Variants in RAB37 observed in about 807,000 individuals in gnomAD.
RAB37 encodes the protein RAB37, member RAS oncogene family.
In RAB37, 29 loss-of-function variants were observed where a neutral mutation model predicts 33.1. The observed-to-expected ratio is 0.88, with a 90% CI of 0.65 to 1.20. The LOEUF (loss-of-function observed/expected upper bound fraction) is 1.20, where lower values mean the gene tolerates loss of function less well. Among genes scored for constraint, RAB37 ranks in the 50% most tolerant of loss-of-function variants. RAB37 has a pLI of 0.00. For synonymous variants in RAB37, 128 were observed against 119.5 expected, an observed-to-expected ratio of 1.07 and a Z score of -0.47; for missense variants, 299 against 301.1, an observed-to-expected ratio of 0.99 and a Z score of 0.05.
At chr17:74,694,971 G>T in intron 1 of RAB37, 1 of 1,103,102 alleles carries the variant, frequency 9.1e-7, no homozygotes, top group Non-Finnish European at 1.3e-6. Context: ...TAGGGGCAAT[G>T]CTGGCTGATC....
intron 1 of RAB37, among the ~76,000 whole-genome samples, chr17:74,689,308 TGGC>T (rs2032116033): frequency 6.6e-6 from 1 of 151,994 alleles, no homozygotes; most frequent in Non-Finnish European, 1.5e-5. Flanking sequence ...CCAGGCATGG[TGGC>T]ACATGCCTGT....
chr17:74,742,231 T>C lies in RAB37; in HGVS notation c.205-23T>C, dbSNP rs369356578. The stretch of plus-strand genomic sequence containing the variant: ...GAGCCACATGACTCCTGCCCTCCCA[T>C]CCTCTGCCTTTTTCTCTTTCAGAAC... On this transcript the variant is annotated intron_variant, in intron 2 of 8. Transcript: ENST00000392613. This position sits in a 1 kb window ranked among gnomAD's most constrained non-coding sequence, Gnocchi z 4.0. 231 of 1,611,978 alleles carry C rather than the reference T, an allele frequency of 1.4e-4. No individual in the cohort carries two copies. The highest frequency in any genetic ancestry group is 1.9e-4 in the Non-Finnish European group (223 of 1,178,836).
At chr17:74,704,180 T>C (rs2033312597) in intron 1 of RAB37, among the ~76,000 whole-genome samples, 1 of 152,132 alleles carries the variant, frequency 6.6e-6, no homozygotes. Flanking sequence ...TGGGAAGGCA[T>C]CCCTTTGGCC....
At chr17:74,709,233 GA>G (rs1203554667) in intron 1 of RAB37, among the ~76,000 whole-genome samples, 2 of 151,712 alleles carry the variant, frequency 1.3e-5, no homozygotes, top group Non-Finnish European at 2.9e-5. Context: ...AAAAAAAAAG[GA>G]AAAAAGAAAA....
chr17:74,673,275 C>T (rs997475961), intron 1 of RAB37, among the ~76,000 whole-genome samples: 12 of 151,420 alleles, frequency 7.9e-5, no homozygotes, highest in Admixed American at 3.3e-4. Flanking sequence ...TGGTGGTGTG[C>T]GCCTGTGATC....
rs141043064 is a variant in RAB37, at chr17:74,741,010, C to T, written c.204+132C>T. 219 of 700,838 alleles carry T rather than the reference C, an allele frequency of 3.1e-4. 1 individual carries two copies. In the East Asian group the frequency reaches 4.6e-3, roughly 15 times the overall value. The allele number at this position is 700,838 out of a possible 1,614,324, so 43.4% of individuals were successfully genotyped here. On this transcript the variant is annotated intron_variant, in intron 2 of 8. Transcript: ENST00000392613. ...GCTCATGCCTGGAGGGCACACAACCCGCTCCCCCAAGACCACAGAGGTGGC... is the reference window on the plus strand; with the variant it reads ...GCTCATGCCTGGAGGGCACACAACCTGCTCCCCCAAGACCACAGAGGTGGC...
chr17:74,729,434 C>A lies in RAB37; in HGVS notation c.183+68C>A. On this transcript the variant is annotated intron_variant, in intron 2 of 7. Transcript: ENST00000340415. The surrounding 1 kb of genome is among the most constrained non-coding windows in gnomAD (Gnocchi z 4.2). ...GACCCCAGCGTGTTTCTGTTGAGTG[C>A]CAGCAGGAAACAGGTGGACACTCGC... 2 of 1,080,814 alleles carry A rather than the reference C, an allele frequency of 1.9e-6. No homozygotes were observed. Among genetic ancestry groups the A allele is most frequent in the Non-Finnish European group, 2.9e-6 (2 of 693,484 alleles). 67.0% of individuals were successfully genotyped at this position (1,080,814 alleles called of 1,614,324 possible).
In RAB37 at chr17:74,740,785, C is replaced by T. The variant is rs1014564189; in HGVS notation, c.111C>T (p.Asp37=). The change falls in exon 2 of 9, where the codon GAC becomes GAT. Residue 37 remains aspartate (D), a synonymous_variant. Transcript: ENST00000392613. ...CCCCCTAGGTGATGCTTCTGGGAGA[C>T]ACAGGCGTCGGCAAAACATGTTTCC... ...DLTGKVMLLG[D]TGVGKTCFLI... 6.2e-7 allele frequency: 1 copy of T among 1,613,990 alleles called. No homozygotes were observed. Among genetic ancestry groups the T allele is most frequent in the Non-Finnish European group, 8.5e-7 (1 of 1,179,888 alleles).
chr17:74,671,781 G>A lies in RAB37; in HGVS notation c.72+123G>A. On this transcript the variant is annotated intron_variant, in intron 1 of 7. Coordinates refer to the RAB37 transcript ENST00000340415. This position sits in a 1 kb window ranked among gnomAD's most constrained non-coding sequence, Gnocchi z 5.0. Reference sequence around the variant, plus strand: ...AACTAGCTTGTATCTGTGAGTCTGGGGAGCCCTTTCTGTCTGATCCTGTTT... The same window carrying A: ...AACTAGCTTGTATCTGTGAGTCTGGAGAGCCCTTTCTGTCTGATCCTGTTT... 1.2e-6 allele frequency: 1 copy of A among 838,544 alleles called. No individual in the cohort carries two copies. The highest frequency in any genetic ancestry group is 1.9e-6 in the Non-Finnish European group (1 of 514,432). The allele number at this position is 838,544 out of a possible 1,614,324, so 51.9% of individuals were successfully genotyped here.
intron 1 of RAB37, among the ~76,000 whole-genome samples, chr17:74,705,018 A>G (rs936590173): frequency 7.9e-5 from 12 of 152,332 alleles, no homozygotes; most frequent in Non-Finnish European, 1.3e-4. Context: ...AGAGCACAAC[A>G]ACGGATCCCC....
chr17:74,697,479 A>C (rs533823729), intron 1 of RAB37, among the ~76,000 whole-genome samples: 1 of 152,324 alleles, frequency 6.6e-6, no homozygotes, highest in Non-Finnish European at 1.5e-5. Context: ...TCAGGCTCTA[A>C]TTTTGAAAAA....
intron 1 of RAB37, among the ~76,000 whole-genome samples, chr17:74,692,379 A>C (rs1001960533): frequency 6.6e-6 from 1 of 152,022 alleles, no homozygotes; most frequent in African/African-American, 2.4e-5. Context: ...AGAGCGGAAA[A>C]GCCCTTGAAA....
chr17:74,677,996 G>A, intron 1 of RAB37, among the ~76,000 whole-genome samples: 1 of 152,138 alleles, frequency 6.6e-6, no homozygotes, highest in East Asian at 1.9e-4. Flanking sequence ...CAGTTTCAGG[G>A]CAGGAAACTC....
intron 1 of RAB37, among the ~76,000 whole-genome samples, chr17:74,673,560 G>C (rs554218819): frequency 6.6e-6 from 1 of 151,230 alleles, no homozygotes; most frequent in South Asian, 2.1e-4. Context: ...TTAAGATTGG[G>C]AGCTCAGATT....
In RAB37 at chr17:74,717,536, C is replaced by T. The variant is rs187415531; in HGVS notation, c.73-11720C>T. On this transcript the variant is annotated intron_variant, in intron 1 of 7. Transcript: ENST00000340415. The stretch of plus-strand genomic sequence containing the variant: ...AAGAAAGGCCCCAGAGGGCTGGGCG[C>T]GGTGGCTCATGCCTGTAACCCCAGC... Among the ~76,000 whole-genome samples, 423 of 152,142 alleles carry T rather than the reference C, an allele frequency of 2.8e-3. 4 individuals carry two copies. The highest frequency in any genetic ancestry group is 9.9e-3 in the African/African-American group (410 of 41,500).
chr17:74,744,320 G>A lies in RAB37; in HGVS notation c.379G>A (p.Glu127Lys). The part of the protein sequence containing the change: ...SFDNIRAWLT[E>K]IHEYAQRDVV... ...CCCTCTCCCACAGGCCTGGCTCACT[G>A]AGATTCATGAGTATGCCCAGAGGGA... Residue 127 changes from glutamate to lysine, a missense_variant, in exon 6 of 9, where the codon GAG (glutamate) becomes AAG (lysine). By Grantham distance (56) the Glu-to-Lys change is moderately conservative. Coordinates refer to ENST00000392613, the MANE Select transcript of RAB37 (RefSeq NM_001006638.3). This position sits in a 1 kb window ranked among gnomAD's most constrained non-coding sequence, Gnocchi z 4.2. 3.1e-6 allele frequency: 5 copies of A among 1,613,868 alleles called. No homozygotes were observed. Among genetic ancestry groups the A allele is most frequent in the Non-Finnish European group, 4.2e-6 (5 of 1,179,894 alleles).
Position 74,706,282 on chromosome 17 carries a change from A to AAAT in RAB37, c.73-22973_73-22972insATA, listed in dbSNP as rs1555586595. On this transcript the variant is annotated intron_variant, in intron 1 of 7. Coordinates refer to the RAB37 transcript ENST00000340415. ...AAAAAACATTTTAAAGGAAAAAAAA[A>AAAT]ATATATATATATATATATCCCAAAG... is the stretch of plus-strand genomic sequence containing the variant. Among the ~76,000 whole-genome samples, 137 of 145,158 alleles carry AAAT rather than the reference A, an allele frequency of 9.4e-4. 1 individual carries two copies. Among genetic ancestry groups the AAAT allele is most frequent in the African/African-American group, 3.4e-3 (134 of 39,602 alleles).
chr17:74,728,113 T>C (rs544301599), intron 1 of RAB37, among the ~76,000 whole-genome samples: 1 of 152,112 alleles, frequency 6.6e-6, no homozygotes, highest in Non-Finnish European at 1.5e-5. Flanking sequence ...TGTGTGTCTG[T>C]GTGCATGTCT....
At chr17:74,710,047 C>T (rs937939119) in intron 1 of RAB37, among the ~76,000 whole-genome samples, 3 of 152,158 alleles carry the variant, frequency 2.0e-5, no homozygotes, top group African/African-American at 4.8e-5. Flanking sequence ...GGCTCAATCT[C>T]GGCTCACTGC....
Sources: allele counts gnomAD v4.1 joint callset (sites outside exome capture counted in the v4.1 genomes callset), GRCh38; gene constraint gnomAD v4.1.1; non-coding constraint Gnocchi (gnomAD v3.1); transcripts MANE v1.5; gene names NCBI Gene and HGNC (gene_info 2026-07-23, HGNC 2026-07-21).